The following PCDHGA6 variants were observed in gnomAD, a reference collection of about 807,000 sequenced individuals.
The protein encoded by PCDHGA6 is protocadherin gamma-A6.
A neutral mutation model predicts 60.6 loss-of-function variants in PCDHGA6; 41 were observed. The ratio of observed to expected loss-of-function variants is 0.68; its 90% CI spans 0.53 to 0.88. PCDHGA6 has a LOEUF of 0.88. Ranked by LOEUF, PCDHGA6 falls within the 40% of genes least tolerant of loss-of-function variation. The pLI is 0.00. For missense variants in PCDHGA6, 1,312 were observed against 1,203.0 expected (o/e 1.09, Z -1.34); for synonymous variants, 594 against 524.4 (o/e 1.13, Z -1.81).
intron 1 of PCDHGA6, chr5:141,427,590 C>A: frequency 1.5e-6 from 1 of 679,008 alleles, no homozygotes; most frequent in Non-Finnish European, 2.7e-6. Flanking sequence ...CAGCACAAGC[C>A]TCACCCTACG....
chr5:141,384,763 T>C, intron 1 of PCDHGA6: 1 of 1,613,952 alleles, frequency 6.2e-7, no homozygotes. Context: ...GGTTGGGCTG[T>C]ACACGGGCGA....
intron 1 of PCDHGA6, among the ~76,000 whole-genome samples, chr5:141,460,344 A>G (rs930557610): frequency 7.2e-5 from 11 of 152,060 alleles, no homozygotes; most frequent in African/African-American, 2.2e-4. Context: ...ATTTTCTCCT[A>G]TATTTTCTTT....
In PCDHGA6 at chr5:141,432,645, C is replaced by T. The variant is rs758701539; in HGVS notation, c.2424+56138C>T. On this transcript the variant is annotated intron_variant, in intron 1 of 3. Coordinates refer to ENST00000517434, the MANE Select transcript of PCDHGA6 (RefSeq NM_018919.3). The surrounding 1 kb of genome is among the most constrained non-coding windows in gnomAD (Gnocchi z 6.0). Reference sequence around the variant, plus strand: ...CTGCACACGGGCGAGGTGCGCACGGCGCGAGCCCTGCTGGACAGAGACGCG... The same window carrying T: ...CTGCACACGGGCGAGGTGCGCACGGTGCGAGCCCTGCTGGACAGAGACGCG... 1 of 1,613,746 alleles carries T rather than the reference C, an allele frequency of 6.2e-7. No homozygotes were observed. Among genetic ancestry groups the T allele is most frequent in the Admixed American group, 1.7e-5 (1 of 60,006 alleles).
At chr5:141,457,550 A>G (rs1331411755) in intron 1 of PCDHGA6, among the ~76,000 whole-genome samples, 1 of 152,230 alleles carries the variant, frequency 6.6e-6, no homozygotes, top group Non-Finnish European at 1.5e-5. Flanking sequence ...CAAATGTATG[A>G]TAAGCTTTGG....
chr5:141,385,608 T>C, intron 1 of PCDHGA6: 2 of 1,153,978 alleles, frequency 1.7e-6, no homozygotes, highest in Non-Finnish European at 2.2e-6. Context: ...TTAACTCATA[T>C]ATTTTATACA....
At chr5:141,457,522 G>A (rs1200640017) in intron 1 of PCDHGA6, among the ~76,000 whole-genome samples, 1 of 152,188 alleles carries the variant, frequency 6.6e-6, no homozygotes, top group Non-Finnish European at 1.5e-5. Flanking sequence ...AACAATTAAT[G>A]AGACTAGGGT....
chr5:141,422,975 C>T (rs751065595), intron 1 of PCDHGA6: 130 of 1,614,092 alleles, frequency 8.1e-5, no homozygotes, highest in Non-Finnish European at 1.0e-4. Context: ...CCCCGCTCTG[C>T]GGAACCTGGC....
At position 141,438,623 on chromosome 5, in the gene PCDHGA6, TATATATATATATAC is replaced by T. The variant is rs537048311; in HGVS notation, c.2425-56182_2425-56169del. Among the ~76,000 whole-genome samples the T allele has an allele frequency of 0.015, 646 of 42,812 alleles. 25 individuals are homozygous for T. In the East Asian group the frequency reaches 0.19, roughly 12 times the overall value. The allele number at this position is 42,812 out of a possible 152,430, so 28.1% of individuals were successfully genotyped here. A position where few individuals can be genotyped will look rare whatever the true frequency, so the allele number is the denominator to read the frequency against. On this transcript the variant is annotated intron_variant, in intron 1 of 3. Transcript: ENST00000517434. ...ATATATATATATATATATATATATA[TATATATATATATAC>T]ACACACACACACACATATATGTATA...
intron 1 of PCDHGA6, among the ~76,000 whole-genome samples, chr5:141,469,449 C>A (rs1017174114): frequency 2.0e-5 from 3 of 151,846 alleles, no homozygotes; most frequent in African/African-American, 7.3e-5. Context: ...GTGGTGCACA[C>A]CTGTAGTCTC....
Position 141,486,200 on chromosome 5 carries a change from G to A in PCDHGA6, c.2425-8607G>A, listed in dbSNP as rs764874531. The stretch of plus-strand genomic sequence containing the variant: ...CAGCCTTCGAGTGGATCTGCTGGAC[G>A]TAAATGACAATGCCCCTTACATCAC... On this transcript the variant is annotated intron_variant, in intron 1 of 3. Transcript: ENST00000517434. The surrounding 1 kb of genome is among the most constrained non-coding windows in gnomAD (Gnocchi z 5.0). The A allele has an allele frequency of 2.0e-5, 32 of 1,614,096 alleles. No homozygotes were observed. Among genetic ancestry groups the A allele is most frequent in the Non-Finnish European group, 2.3e-5 (27 of 1,180,040 alleles).
intron 1 of PCDHGA6, chr5:141,414,994 T>G (rs1390374290): frequency 6.2e-7 from 1 of 1,613,744 alleles, no homozygotes; most frequent in South Asian, 1.1e-5. Flanking sequence ...CCAGAACGCC[T>G]GGCTGTCCTA....
At chr5:141,392,815 T>G (rs1361544072) in intron 1 of PCDHGA6, 1 of 1,586,560 alleles carries the variant, frequency 6.3e-7, no homozygotes, top group South Asian at 1.1e-5. Flanking sequence ...AAAACAACAA[T>G]GGCCGCTCCA....
In PCDHGA6 at chr5:141,489,584, A is replaced by G. The variant is rs775720718; in HGVS notation, c.2425-5223A>G. Reference sequence around the variant, plus strand: ...CAGGTGGTGACTGAACACCCCCTGGAGCTAATCCGTGTAGAGGTAGAGATC... The same window carrying G: ...CAGGTGGTGACTGAACACCCCCTGGGGCTAATCCGTGTAGAGGTAGAGATC... On this transcript the variant is annotated intron_variant, in intron 1 of 3. Coordinates refer to ENST00000517434, the MANE Select transcript of PCDHGA6 (RefSeq NM_018919.3). The surrounding 1 kb of genome is among the most constrained non-coding windows in gnomAD (Gnocchi z 4.5). The G allele has an allele frequency of 6.2e-7, 1 of 1,614,054 alleles. No homozygotes were observed. Among genetic ancestry groups the G allele is most frequent in the South Asian group, 1.1e-5 (1 of 91,078 alleles).
At chr5:141,454,047 T>C (rs896373946) in intron 1 of PCDHGA6, among the ~76,000 whole-genome samples, 6 of 152,122 alleles carry the variant, frequency 3.9e-5, no homozygotes, top group African/African-American at 7.2e-5. Flanking sequence ...AAGATAAAAG[T>C]GCAGCAAAGA....
At position 141,398,948 on chromosome 5, in the gene PCDHGA6, A is replaced by T. The variant is rs775133149; in HGVS notation, c.2424+22441A>T. The T allele has an allele frequency of 2.5e-6, 4 of 1,613,958 alleles. No homozygotes were observed. The South Asian group carries it at 3.3e-5, about 13-fold the overall frequency. On this transcript the variant is annotated intron_variant, in intron 1 of 3. Transcript: ENST00000517434. The stretch of plus-strand genomic sequence containing the variant: ...GCCACTGACCAAGACGAGGGCATCA[A>T]CTCAGAAATTACTTATTCCTTCTAC...
In PCDHGA6 at chr5:141,494,860, C is replaced by T. The variant is rs372794752; in HGVS notation, c.2478C>T (p.Thr826=). Residue 826 remains threonine, a synonymous_variant, in exon 2 of 4, where the codon ACC becomes ACT. Coordinates refer to ENST00000517434, the MANE Select transcript of PCDHGA6 (RefSeq NM_018919.3). ...TCTCTCAGGCCCAGAGACCCGGCAC[C>T]AGCGGGTAGGTGACTGATTCTCCAG... ...WRFSQAQRPG[T]SGSQNGDDTG... 5.6e-6 allele frequency: 9 copies of T among 1,614,032 alleles called. No homozygotes were observed. Among genetic ancestry groups the T allele is most frequent in the Non-Finnish European group, 7.6e-6 (9 of 1,180,024 alleles).
At chr5:141,497,776 C>A (rs1384125562) in intron 2 of PCDHGA6, among the ~76,000 whole-genome samples, 2 of 152,170 alleles carry the variant, frequency 1.3e-5, no homozygotes. Flanking sequence ...CCGACCTCAA[C>A]TGATCCACCT....
At chr5:141,380,816 A>C (rs546532723) in intron 1 of PCDHGA6, among the ~76,000 whole-genome samples, 1 of 152,374 alleles carries the variant, frequency 6.6e-6, no homozygotes, top group East Asian at 1.9e-4. Flanking sequence ...AGATGAAACT[A>C]TGAATTTTGA....
At chr5:141,442,253 G>A (rs910914393) in intron 1 of PCDHGA6, 2 of 153,064 alleles carry the variant, frequency 1.3e-5, no homozygotes, top group Non-Finnish European at 2.9e-5. Flanking sequence ...TGCATTGTTT[G>A]TGCTGGTTTT....
Sources: allele counts gnomAD v4.1 joint callset (sites outside exome capture counted in the v4.1 genomes callset), GRCh38; gene constraint gnomAD v4.1.1; non-coding constraint Gnocchi (gnomAD v3.1); transcripts MANE v1.5; gene names NCBI Gene and HGNC (gene_info 2026-07-23, HGNC 2026-07-21).